The following CCSER1 variants were observed in gnomAD, a reference collection of about 807,000 sequenced individuals.
CCSER1 encodes the protein serine-rich coiled-coil domain-containing protein 1.
CCSER1 carries 41 observed loss-of-function variants against 82.0 expected under a neutral mutation model. The observed-to-expected ratio is 0.50, with a 90% confidence interval of 0.39 to 0.65. CCSER1 has a LOEUF of 0.65. Among genes scored for constraint, CCSER1 ranks in the 30% least tolerant of loss-of-function variants. The pLI, the probability that CCSER1 is intolerant of heterozygous loss-of-function variation, is 0.00. For synonymous variants in CCSER1, 414 were observed against 383.9 expected (o/e 1.08, Z -0.92); for missense variants, 1,119 against 1,064.2 (o/e 1.05, Z -0.72).
At chr4:90,759,915 A>G (rs1259809467) in intron 7 of CCSER1, among the ~76,000 whole-genome samples, 2 of 152,258 alleles carry the variant, frequency 1.3e-5, no homozygotes, top group Non-Finnish European at 2.9e-5. Flanking sequence ...TTGTATACAT[A>G]TAGTTAAAAC....
At chr4:90,742,210 C>G (rs977510838) in intron 7 of CCSER1, among the ~76,000 whole-genome samples, 8 of 152,148 alleles carry the variant, frequency 5.3e-5, no homozygotes, top group African/African-American at 1.9e-4. Flanking sequence ...GAATCACTCT[C>G]CCACCAGGCT....
At chr4:91,060,504 A>G (rs879455275) in intron 9 of CCSER1, among the ~76,000 whole-genome samples, 6 of 147,796 alleles carry the variant, frequency 4.1e-5, no homozygotes, top group Non-Finnish European at 7.4e-5. Flanking sequence ...CATTAGAATT[A>G]TGTGTCCACT....
chr4:91,195,744 C>T (rs1157816546), intron 10 of CCSER1, among the ~76,000 whole-genome samples: 6 of 152,166 alleles, frequency 3.9e-5, no homozygotes, highest in Admixed American at 3.3e-4. Flanking sequence ...GATTGTCTTT[C>T]TCATATCTAT....
intron 3 of CCSER1, among the ~76,000 whole-genome samples, chr4:90,341,250 G>A (rs1741328050): frequency 6.6e-6 from 1 of 151,988 alleles, no homozygotes; most frequent in Admixed American, 6.6e-5. Flanking sequence ...CAGTGAAAGT[G>A]TTATTTGTTG....
At chr4:90,965,005 G>C (rs1480522123) in intron 9 of CCSER1, among the ~76,000 whole-genome samples, 2 of 151,966 alleles carry the variant, frequency 1.3e-5, no homozygotes, top group Non-Finnish European at 2.9e-5. Context: ...CCTTATCTAT[G>C]TGGAGCTACC....
chr4:91,352,967 G>A (rs940718006), intron 10 of CCSER1, among the ~76,000 whole-genome samples: 4 of 152,176 alleles, frequency 2.6e-5, no homozygotes, highest in African/African-American at 9.7e-5. Flanking sequence ...ACAGTGTATG[G>A]GAAGAGGGTG....
intron 3 of CCSER1, among the ~76,000 whole-genome samples, chr4:90,378,214 T>C (rs995705755): frequency 2.6e-5 from 4 of 152,178 alleles, no homozygotes; most frequent in African/African-American, 9.7e-5. Context: ...ATGAAACAGC[T>C]ATTTTTAGCT....
At chr4:91,454,459 G>C (rs1756038922) in intron 10 of CCSER1, among the ~76,000 whole-genome samples, 1 of 151,974 alleles carries the variant, frequency 6.6e-6, no homozygotes, top group Admixed American at 6.6e-5. Context: ...GACACACACA[G>C]ATTACATTTA....
At chr4:90,764,391 G>A (rs921016729) in intron 7 of CCSER1, among the ~76,000 whole-genome samples, 1 of 152,058 alleles carries the variant, frequency 6.6e-6, no homozygotes. Context: ...ATCAATGCTT[G>A]GTCTTTAAAT....
At chr4:90,411,001 A>T (rs192522231) in intron 4 of CCSER1, among the ~76,000 whole-genome samples, 3 of 152,350 alleles carry the variant, frequency 2.0e-5, no homozygotes, top group Non-Finnish European at 4.4e-5. Flanking sequence ...AAACACCTCT[A>T]CACAAATAAA....
chr4:90,712,711 G>T (rs1048964345), intron 6 of CCSER1, among the ~76,000 whole-genome samples: 1 of 151,774 alleles, frequency 6.6e-6, no homozygotes. Context: ...CTATCTCGGT[G>T]ATCTGCCTAA....
intron 9 of CCSER1, among the ~76,000 whole-genome samples, chr4:91,012,603 C>A (rs1396251004): frequency 6.6e-6 from 1 of 151,472 alleles, no homozygotes; most frequent in Non-Finnish European, 1.5e-5. Context: ...GGATGTCAGG[C>A]CACTGGGCCA....
At chr4:90,581,923 T>G (rs1437956070) in intron 5 of CCSER1, among the ~76,000 whole-genome samples, 2 of 152,050 alleles carry the variant, frequency 1.3e-5, no homozygotes, top group African/African-American at 4.8e-5. Context: ...CAACGTACCA[T>G]GTGTAGATTA....
chr4:90,157,542 G>C (rs1401396411), intron 1 of CCSER1, among the ~76,000 whole-genome samples: 1 of 152,106 alleles, frequency 6.6e-6, no homozygotes, highest in Non-Finnish European at 1.5e-5. Flanking sequence ...TTTTCACATA[G>C]TCCCATATTT....
At chr4:91,023,748 G>A (rs916699285) in intron 9 of CCSER1, among the ~76,000 whole-genome samples, 2 of 152,142 alleles carry the variant, frequency 1.3e-5, no homozygotes, top group Admixed American at 6.5e-5. Context: ...ATAGGCATGG[G>A]CAAGGACTTC....
chr4:91,130,926 C>A (rs1727935419), intron 10 of CCSER1, among the ~76,000 whole-genome samples: 1 of 151,536 alleles, frequency 6.6e-6, no homozygotes, highest in Non-Finnish European at 1.5e-5. Flanking sequence ...ATTACTACAT[C>A]TAAAACTTTG....
intron 4 of CCSER1, 57 bp from the exon 5 acceptor site, chr4:90,468,177 G>A (rs532527622): frequency 4.0e-6 from 6 of 1,490,780 alleles, no homozygotes; most frequent in Admixed American, 2.0e-5. Context: ...AAAAGGAGAT[G>A]TGAGACTAGT....
chr4:90,964,598 G>A lies in CCSER1; in HGVS notation c.2172+41151G>A, dbSNP rs193062905. On this transcript the variant is annotated intron_variant, in intron 9 of 10. Transcript: ENST00000509176. ...AACTTAGCTGGGTGTGGTGGCAGGC[G>A]CCTGTTGTCTCAGCTACTCGGGAGG... Among the ~76,000 whole-genome samples the A allele has an allele frequency of 4.5e-3, 675 of 151,666 alleles. 12 individuals carry two copies. The highest frequency in any genetic ancestry group is 0.015 in the African/African-American group (634 of 41,248).
intron 10 of CCSER1, among the ~76,000 whole-genome samples, chr4:91,568,016 A>G (rs1040936967): frequency 6.6e-6 from 1 of 151,860 alleles, no homozygotes; most frequent in Non-Finnish European, 1.5e-5. Flanking sequence ...TTTTCTTTCT[A>G]TATTTAGTTC....
Sources: allele counts gnomAD v4.1 joint callset (sites outside exome capture counted in the v4.1 genomes callset), GRCh38; gene constraint gnomAD v4.1.1; transcripts MANE v1.5; gene names NCBI Gene and HGNC (gene_info 2026-07-23, HGNC 2026-07-21).